FAM53A: variants seen among roughly 807,000 people sequenced by gnomAD.
FAM53A encodes family with sequence similarity 53 member A.
In FAM53A, 28 loss-of-function variants were observed where a neutral mutation model predicts 26.6. The ratio of observed to expected loss-of-function variants is 1.05; its 90% CI spans 0.78 to 1.45. The LOEUF is 1.45. Ranked by LOEUF, FAM53A falls within the 40% of genes most tolerant of loss-of-function variation. The probability of loss-of-function intolerance (pLI) is 0.00; values close to 1 mark genes in which losing one functional copy is unlikely to be tolerated. For missense variants in FAM53A, 650 were observed against 575.8 expected (o/e 1.13, Z -1.32); for synonymous variants, 290 against 253.1 (o/e 1.15, Z -1.38).
downstream of FAM53A, among the ~76,000 whole-genome samples, chr4:1,613,601 G>A (rs1413103861): frequency 3.9e-5 from 6 of 152,200 alleles, no homozygotes; most frequent in African/African-American, 7.2e-5. Context: ...ACCGACGTGC[G>A]TGGCTATGCG....
the FAM53A span, among the ~76,000 whole-genome samples, chr4:1,592,898 G>A: frequency 1.1e-4 from 17 of 152,242 alleles, 1 homozygote; most frequent in African/African-American, 4.1e-4. Context: ...CGTCTGCAGG[G>A]CACATGGCCG....
chr4:1,575,987 G>C, the FAM53A span, among the ~76,000 whole-genome samples: 1 of 152,160 alleles, frequency 6.6e-6, no homozygotes, highest in Non-Finnish European at 1.5e-5. Flanking sequence ...CCACCTGCCC[G>C]GCTGTGGGCT....
intron 1 of FAM53A, among the ~76,000 whole-genome samples, chr4:1,629,139 G>A (rs958486805): frequency 2.6e-5 from 4 of 152,030 alleles, no homozygotes; most frequent in East Asian, 1.9e-4. Context: ...CAGCTGGGAA[G>A]AGGAAGGAGC....
chr4:1,582,726 A>C, the FAM53A span, among the ~76,000 whole-genome samples: 2 of 152,164 alleles, frequency 1.3e-5, no homozygotes, highest in Non-Finnish European at 2.9e-5. Context: ...GTGGTGGCGC[A>C]CATCTGTAGT....
intron 4 of FAM53A, among the ~76,000 whole-genome samples, chr4:1,649,908 C>G: frequency 7.1e-6 from 1 of 141,062 alleles, no homozygotes; most frequent in Non-Finnish European, 1.5e-5. Context: ...TGGCGTTTGA[C>G]TGTGAGGTGG....
chr4:1,623,006 G>A (rs1241040423), intron 1 of FAM53A, among the ~76,000 whole-genome samples: 1 of 152,220 alleles, frequency 6.6e-6, no homozygotes, highest in African/African-American at 2.4e-5. Flanking sequence ...TTGTGCCCAT[G>A]GGGAAACGAA....
At chr4:1,609,110 G>A in the FAM53A span, among the ~76,000 whole-genome samples, 1 of 152,074 alleles carries the variant, frequency 6.6e-6, no homozygotes, top group African/African-American at 2.4e-5. Flanking sequence ...GAGCCCCCTA[G>A]GCCTCTGGGA....
chr4:1,603,918 G>A, the FAM53A span, among the ~76,000 whole-genome samples: 18 of 152,314 alleles, frequency 1.2e-4, no homozygotes, highest in East Asian at 3.5e-3. Flanking sequence ...CAGTTCTCGG[G>A]GCGACAGGGC....
At chr4:1,643,361 G>C (rs1711926545) in intron 4 of FAM53A, among the ~76,000 whole-genome samples, 1 of 151,900 alleles carries the variant, frequency 6.6e-6, no homozygotes, top group South Asian at 2.1e-4. Context: ...AGCTACTCGG[G>C]AGGCTGAGGC....
At chr4:1,593,386 G>A in the FAM53A span, among the ~76,000 whole-genome samples, 1 of 152,082 alleles carries the variant, frequency 6.6e-6, no homozygotes, top group African/African-American at 2.4e-5. Context: ...GTGAGCTCAG[G>A]CCCAGGGCCG....
chr4:1,667,680 A>T (rs556020697), intron 2 of FAM53A, among the ~76,000 whole-genome samples: 1 of 152,264 alleles, frequency 6.6e-6, no homozygotes, highest in East Asian at 1.9e-4. Context: ...CGAGACCCAC[A>T]GCTTTCCCTT....
At chr4:1,645,522 T>C (rs1282977752) in intron 4 of FAM53A, among the ~76,000 whole-genome samples, 1 of 152,170 alleles carries the variant, frequency 6.6e-6, no homozygotes, top group African/African-American at 2.4e-5. Flanking sequence ...GCCAGGAAGC[T>C]GGAGAACAAA....
chr4:1,667,223 C>T (rs1314654180), intron 2 of FAM53A, among the ~76,000 whole-genome samples: 2 of 151,816 alleles, frequency 1.3e-5, no homozygotes, highest in Non-Finnish European at 2.9e-5. Context: ...CACTTGAACC[C>T]GGGAGACGGA....
At chr4:1,611,321 G>A in the FAM53A span, among the ~76,000 whole-genome samples, 6 of 152,100 alleles carry the variant, frequency 3.9e-5, no homozygotes, top group African/African-American at 7.2e-5. Flanking sequence ...GGGGGCCCCC[G>A]CCACCCCAGT....
At chr4:1,580,006 A>T in the FAM53A span, among the ~76,000 whole-genome samples, 26 of 152,390 alleles carry the variant, frequency 1.7e-4, no homozygotes, top group Admixed American at 1.4e-3. Context: ...AAGATGCAGT[A>T]AAGTTTTACT....
At chr4:1,676,821 C>T (rs1281218197) in intron 1 of FAM53A, among the ~76,000 whole-genome samples, 1 of 152,214 alleles carries the variant, frequency 6.6e-6, no homozygotes, top group Non-Finnish European at 1.5e-5. Context: ...GTCAAGTCAT[C>T]GCTGACATTA....
At chr4:1,649,140 G>C (rs1025867179) in intron 4 of FAM53A, among the ~76,000 whole-genome samples, 1 of 140,634 alleles carries the variant, frequency 7.1e-6, no homozygotes, top group African/African-American at 2.6e-5. Context: ...GGAAGGGGAA[G>C]GGGAAAGGGA....
At chr4:1,607,457 G>A in the FAM53A span, among the ~76,000 whole-genome samples, 1 of 152,156 alleles carries the variant, frequency 6.6e-6, no homozygotes, top group African/African-American at 2.4e-5. Flanking sequence ...ATTCACCCAC[G>A]GCCTTCAATC....
the FAM53A span, among the ~76,000 whole-genome samples, chr4:1,590,991 T>TATATATATATATACACACACAC: frequency 1.6e-5 from 2 of 127,872 alleles, no homozygotes; most frequent in African/African-American, 6.8e-5. Context: ...TATATATATA[T>TATATATATATATACACACACAC]ATATATATAT....
Sources: gnomAD v4.1 joint callset for allele counts (sites outside exome capture counted in the v4.1 genomes callset) on GRCh38, gnomAD v4.1.1 for gene constraint, MANE v1.5 for transcripts, NCBI Gene and HGNC (gene_info 2026-07-23, HGNC 2026-07-21) for gene names.